Variants in MIGA2 observed in about 807,000 individuals in gnomAD.
MIGA2 encodes family with sequence similarity 73, member B.
Under a neutral mutation model 69.9 loss-of-function variants are expected in MIGA2, and 36 were observed. That is an observed-to-expected ratio of 0.52 (90% CI 0.39 to 0.68). The LOEUF is 0.68. Among genes scored for constraint, MIGA2 ranks in the 30% least tolerant of loss-of-function variants. The pLI, the probability that MIGA2 is intolerant of heterozygous loss-of-function variation, is 0.00. For missense variants in MIGA2, 660 were observed against 787.7 expected (o/e 0.84, Z 1.94); for synonymous variants, 333 against 349.2 (o/e 0.95, Z 0.52).
At chr9:129,064,223 T>C (rs1020155286) in intron 11 of MIGA2, among the ~76,000 whole-genome samples, 2 of 152,096 alleles carry the variant, frequency 1.3e-5, no homozygotes, top group Non-Finnish European at 2.9e-5. Context: ...TTTTTTTTTT[T>C]TGAGACAGAG....
intron 3 of MIGA2, among the ~76,000 whole-genome samples, chr9:129,043,422 T>C (rs1046716294): frequency 2.7e-5 from 4 of 147,946 alleles, no homozygotes; most frequent in African/African-American, 1.0e-4. Context: ...AGTCTTGCTC[T>C]GTCACCCAGT....
In MIGA2 at chr9:129,060,731, A is replaced by G. The variant is rs545450435; in HGVS notation, c.894+81A>G. 6.7e-6 allele frequency: 8 copies of G among 1,192,836 alleles called. No homozygotes were observed. Among genetic ancestry groups the G allele is most frequent in the Non-Finnish European group, 9.5e-6 (8 of 845,486 alleles). The allele number at this position is 1,192,836 out of a possible 1,614,324, so 73.9% of individuals were successfully genotyped here. A position where few individuals can be genotyped will look rare whatever the true frequency, so the allele number is the denominator to read the frequency against. ...AGGTCCATGGGGCCAGCACTGGGTC[A>G]TGGGAAAGTGGAGGCATTTCCTCTG... On this transcript the variant is annotated intron_variant, in intron 8 of 15. Transcript: ENST00000684074. This position sits in a 1 kb window ranked among gnomAD's most constrained non-coding sequence, Gnocchi z 4.8.
In MIGA2 at chr9:129,060,799, TGGGGATGG is replaced by T. The variant is rs545797807; in HGVS notation, c.894+154_894+161del. 9.6e-5 allele frequency: 51 copies of T among 532,082 alleles called. No individual in the cohort carries two copies. In the East Asian group the frequency reaches 2.3e-3, roughly 24 times the overall value. The allele number at this position is 532,082 out of a possible 1,614,324, so 33.0% of individuals were successfully genotyped here. A position where few individuals can be genotyped will look rare whatever the true frequency, so the allele number is the denominator to read the frequency against. ...CTCCCACGGGCCTCCTCGAAGCTGT[TGGGGATGG>T]GGGGTGCTGAGAAATCGGGGGCTGT... On this transcript the variant is annotated intron_variant, in intron 8 of 15. Coordinates refer to ENST00000684074, the MANE Select transcript of MIGA2 (RefSeq NM_001329990.2). The surrounding 1 kb of genome is among the most constrained non-coding windows in gnomAD (Gnocchi z 4.8).
intron 1 of MIGA2, chr9:129,036,958 A>G: frequency 6.0e-6 from 6 of 1,002,660 alleles, no homozygotes; most frequent in Non-Finnish European, 7.2e-6. Flanking sequence ...AGGCGGGGAG[A>G]GCACCCGGGA....
intron 6 of MIGA2, among the ~76,000 whole-genome samples, chr9:129,052,280 G>A (rs997678205): frequency 3.3e-5 from 5 of 151,660 alleles, no homozygotes; most frequent in East Asian, 1.9e-4. Context: ...CTGCCAGCAC[G>A]CCCGGCTAAT....
intron 6 of MIGA2, among the ~76,000 whole-genome samples, chr9:129,052,289 A>ATTT (rs1240385785): frequency 6.6e-6 from 1 of 150,956 alleles, no homozygotes; most frequent in Non-Finnish European, 1.5e-5. Flanking sequence ...CGCCCGGCTA[A>ATTT]TTTTTGTATT....
intron 1 of MIGA2, 69 bp from the exon 2 acceptor site, chr9:129,040,382 CT>C: frequency 8.4e-7 from 1 of 1,183,944 alleles, no homozygotes; most frequent in African/African-American, 1.6e-5. Flanking sequence ...CATGGACGCT[CT>C]TCTTGAGTGC....
At chr9:129,067,943 C>T (rs17452624) in intron 12 of MIGA2, 72 bp downstream of exon 12, 19 of 1,501,104 alleles carry the variant, frequency 1.3e-5, no homozygotes, top group East Asian at 4.8e-5. Context: ...GTTCTTGTGC[C>T]GAGCTCTAGC....
chr9:129,056,605 A>G (rs1018870545), intron 6 of MIGA2, among the ~76,000 whole-genome samples: 8 of 148,510 alleles, frequency 5.4e-5, no homozygotes, highest in Admixed American at 1.4e-4. Flanking sequence ...TGCTACCTCC[A>G]CTTCCTGGGT....
At position 129,059,971 on chromosome 9, in the gene MIGA2, TC is replaced by T. The variant is rs370788473; in HGVS notation, c.794-576del. On this transcript the variant is annotated intron_variant, in intron 7 of 15. Transcript: ENST00000684074. The surrounding 1 kb of genome is among the most constrained non-coding windows in gnomAD (Gnocchi z 5.6). ...TTGGAGGAATCTGCCTCCTCTGGCC[TC>T]CCTACATGGCAGAAAGGGCTGGGGG... 3.0e-4 allele frequency among the ~76,000 whole-genome samples: 45 copies of T among 152,200 alleles called. 1 individual carries two copies. Among genetic ancestry groups the T allele is most frequent in the African/African-American group, 1.1e-3 (44 of 41,538 alleles).
chr9:129,064,268 A>G (rs147435659), intron 11 of MIGA2, among the ~76,000 whole-genome samples: 4,921 of 151,052 alleles, frequency 0.033, 190 homozygotes, highest in South Asian at 0.099. Flanking sequence ...GTGCAGTGGC[A>G]TGATCTCGGC....
chr9:129,047,632 C>A (rs566984991), intron 3 of MIGA2, among the ~76,000 whole-genome samples: 1 of 151,424 alleles, frequency 6.6e-6, no homozygotes, highest in Non-Finnish European at 1.5e-5. Context: ...AGGCTGATCT[C>A]GAACTCCTGA....
intron 11 of MIGA2, among the ~76,000 whole-genome samples, chr9:129,065,646 G>C (rs1019777786): frequency 6.6e-6 from 1 of 151,786 alleles, no homozygotes; most frequent in South Asian, 2.1e-4. Flanking sequence ...CACCACGCCC[G>C]GCCTATGTAT....
At chr9:129,051,046 G>C (rs1845502274) in intron 6 of MIGA2, among the ~76,000 whole-genome samples, 1 of 151,594 alleles carries the variant, frequency 6.6e-6, no homozygotes, top group Non-Finnish European at 1.5e-5. Flanking sequence ...GCTAATTTTT[G>C]TATTTTTAGT....
rs1216184210 is a variant in MIGA2, at chr9:129,067,760, C to G, written c.1171-13C>G. 2 of 1,604,474 alleles carry G rather than the reference C, an allele frequency of 1.2e-6. No homozygotes were observed. The highest frequency in any genetic ancestry group is 2.2e-5 in the South Asian group (2 of 89,186). On this transcript the variant is annotated splice_polypyrimidine_tract_variant and intron_variant, in intron 11 of 15. Transcript: ENST00000684074. ...TGTCCAGTGACCAGGATGGGCCGTG[C>G]TTCTCTCCACAGAGCCCCAAAGGCT...
intron 4 of MIGA2, among the ~76,000 whole-genome samples, chr9:129,048,896 G>A (rs937233910): frequency 6.6e-6 from 1 of 152,184 alleles, no homozygotes; most frequent in Non-Finnish European, 1.5e-5. Context: ...TTCTTCTGGG[G>A]TGTGGCTTTT....
chr9:129,039,719 C>A, intron 1 of MIGA2: 1 of 125,578 alleles, frequency 8.0e-6, no homozygotes, highest in Non-Finnish European at 1.5e-5. Context: ...CCACCACGCC[C>A]AGCTAGTTTT....
chr9:129,045,661 C>T (rs1013631899), intron 3 of MIGA2, among the ~76,000 whole-genome samples: 1 of 151,324 alleles, frequency 6.6e-6, no homozygotes, highest in African/African-American at 2.4e-5. Flanking sequence ...TACCTGTAAT[C>T]CCAGCAATTT....
Position 129,068,264 on chromosome 9 carries a change from G to A in MIGA2, c.1336G>A (p.Glu446Lys). 3.7e-6 allele frequency: 6 copies of A among 1,613,408 alleles called. No individual in the cohort carries two copies. Among genetic ancestry groups the A allele is most frequent in the Non-Finnish European group, 5.1e-6 (6 of 1,179,990 alleles). Residue 446 changes from glutamate to lysine, a missense_variant, in exon 13 of 16, where the codon GAG becomes AAG. Around this residue, in one of 3 missense-constraint regions of MIGA2, gnomAD observed 220 missense variants for 301.7 expected, o/e 0.73. Transcript: ENST00000684074. The surrounding 1 kb of genome is among the most constrained non-coding windows in gnomAD (Gnocchi z 4.1). ...CCTCATGGACGCCTTCGAGGACCTG[G>A]AGAACCCTCCGGCCTCGGTGCTCGC... Reference protein sequence around the residue: ...FILMDAFEDLENPPASVLAVL... With the variant: ...FILMDAFEDLKNPPASVLAVL...
Sources: gnomAD v4.1 joint callset for allele counts (sites outside exome capture counted in the v4.1 genomes callset) on GRCh38, gnomAD v4.1.1 for gene constraint, gnomAD v4.1.1 regional missense constraint, Gnocchi (gnomAD v3.1) non-coding constraint, MANE v1.5 for transcripts, NCBI Gene and HGNC (gene_info 2026-07-23, HGNC 2026-07-21) for gene names.